UBE2L3: variants seen among roughly 807,000 people sequenced by gnomAD.
The protein encoded by UBE2L3 is ubiquitin conjugating enzyme E2 L3, also known as ubiquitin-conjugating enzyme E2 L3.
In UBE2L3, 1 loss-of-function variant was observed where a neutral mutation model predicts 17.8. That is an observed-to-expected ratio of 0.06 (90% CI 0.02 to 0.27). UBE2L3 has a LOEUF of 0.27. UBE2L3 is among the 10% of genes least tolerant of loss of function. The pLI is 1.00. For synonymous variants in UBE2L3, 44 were observed against 68.5 expected (o/e 0.64, Z 1.76); for missense variants, 40 against 192.6 (o/e 0.21, Z 4.69).
intron 1 of UBE2L3, among the ~76,000 whole-genome samples, chr22:21,589,075 T>G (rs2148418893): frequency 6.6e-6 from 1 of 152,090 alleles, no homozygotes; most frequent in East Asian, 1.9e-4. Flanking sequence ...ATTACAGGTG[T>G]GAACCACTGC....
intron 1 of UBE2L3, among the ~76,000 whole-genome samples, chr22:21,552,720 CTT>C (rs1286930537): frequency 4.9e-3 from 26 of 5,302 alleles, no homozygotes; most frequent in East Asian, 0.018. Context: ...TCCAGATGTT[CTT>C]TTTTTTTTTT....
At chr22:21,577,623 C>T (rs1286570595) in intron 1 of UBE2L3, among the ~76,000 whole-genome samples, 2 of 152,182 alleles carry the variant, frequency 1.3e-5, no homozygotes, top group East Asian at 1.9e-4. Flanking sequence ...CTCTCTGGGC[C>T]TTGCTCCTGC....
At chr22:21,572,200 C>T (rs1218341224) in intron 1 of UBE2L3, among the ~76,000 whole-genome samples, 1 of 151,724 alleles carries the variant, frequency 6.6e-6, no homozygotes, top group Admixed American at 6.6e-5. Flanking sequence ...TTTGGGAGGC[C>T]GAGGTGGGCG....
chr22:21,568,350 G>A, intron 1 of UBE2L3: 2 of 985,400 alleles, frequency 2.0e-6, no homozygotes, highest in Non-Finnish European at 2.4e-6. Flanking sequence ...GCAAACTGTC[G>A]CCTTGTGACT....
At chr22:21,556,763 A>G (rs1489935028) in intron 1 of UBE2L3, among the ~76,000 whole-genome samples, 1 of 152,240 alleles carries the variant, frequency 6.6e-6, no homozygotes, top group Non-Finnish European at 1.5e-5. Context: ...CACCTGGCCA[A>G]TAAAAAAATT....
intron 1 of UBE2L3, among the ~76,000 whole-genome samples, chr22:21,552,063 CTG>C (rs1926089304): frequency 7.0e-6 from 1 of 142,956 alleles, no homozygotes; most frequent in Non-Finnish European, 1.5e-5. Flanking sequence ...TGGTGGCCAC[CTG>C]TGTGGCTTGG....
At chr22:21,566,305 C>A (rs577084746), upstream of UBE2L3, among the ~76,000 whole-genome samples, 14 of 152,098 alleles carry the variant, frequency 9.2e-5, no homozygotes, top group Non-Finnish European at 2.1e-4. Context: ...CGTCTCAGCC[C>A]AGGTGTGGTG....
At chr22:21,603,586 G>A (rs895317375) in intron 2 of UBE2L3, among the ~76,000 whole-genome samples, 6 of 146,014 alleles carry the variant, frequency 4.1e-5, no homozygotes, top group Non-Finnish European at 7.4e-5. Flanking sequence ...GCTCACGCCT[G>A]TAATCCCAGC....
chr22:21,586,478 C>G (rs879884479), intron 1 of UBE2L3, among the ~76,000 whole-genome samples: 1 of 151,760 alleles, frequency 6.6e-6, no homozygotes, highest in Admixed American at 6.6e-5. Flanking sequence ...CCTTGTTGGC[C>G]GGGCTGGTTC....
intron 1 of UBE2L3, among the ~76,000 whole-genome samples, chr22:21,571,462 GCGATGGCA>G (rs1926959431): frequency 6.6e-6 from 1 of 152,118 alleles, no homozygotes; most frequent in Non-Finnish European, 1.5e-5. Flanking sequence ...AGGCTTCAGC[GCGATGGCA>G]CGATCTCTGT....
chr22:21,591,473 G>A lies in UBE2L3; in HGVS notation c.28-1388G>A, dbSNP rs1263497519. 6.6e-5 allele frequency among the ~76,000 whole-genome samples: 10 copies of A among 152,204 alleles called. No individual in the cohort carries two copies. The East Asian group carries it at 1.3e-3, about 20-fold the overall frequency. On this transcript the variant is annotated intron_variant, in intron 1 of 3. Coordinates refer to ENST00000342192, the MANE Select transcript of UBE2L3 (RefSeq NM_003347.4). ...AGCACCAGTGTGTTCCACCTCTTCC[G>A]TGTATTCATTCACTGCACTCTCCCT... is the stretch of plus-strand genomic sequence containing the variant.
intron 1 of UBE2L3, among the ~76,000 whole-genome samples, chr22:21,559,372 C>T (rs1304575056): frequency 6.7e-6 from 1 of 148,174 alleles, no homozygotes; most frequent in South Asian, 2.2e-4. Flanking sequence ...AATAAATAAA[C>T]AAACAAACAA....
chr22:21,609,871 C>G (rs1488377640), intron 2 of UBE2L3, among the ~76,000 whole-genome samples: 1 of 151,850 alleles, frequency 6.6e-6, no homozygotes, highest in South Asian at 2.1e-4. Context: ...ACTAAAGATA[C>G]AAAAATTAGC....
upstream of UBE2L3, chr22:21,567,593 GC>G: frequency 1.4e-6 from 2 of 1,466,204 alleles, no homozygotes; most frequent in South Asian, 1.4e-5. Context: ...TCCTCCACGC[GC>G]CCCCCAGCAC....
At chr22:21,576,306 T>G (rs887994513) in intron 1 of UBE2L3, among the ~76,000 whole-genome samples, 4 of 143,504 alleles carry the variant, frequency 2.8e-5, no homozygotes, top group Non-Finnish European at 6.2e-5. Context: ...TTTTTTTTTG[T>G]TTTTTTTTTG....
chr22:21,608,980 C>T (rs765051586), intron 2 of UBE2L3, among the ~76,000 whole-genome samples: 4 of 151,956 alleles, frequency 2.6e-5, no homozygotes, highest in Non-Finnish European at 5.9e-5. Context: ...CTGCAAGCTC[C>T]GCTTCCCAGG....
intron 1 of UBE2L3, among the ~76,000 whole-genome samples, chr22:21,591,612 G>A (rs1260426041): frequency 6.6e-6 from 1 of 152,152 alleles, no homozygotes; most frequent in Non-Finnish European, 1.5e-5. Flanking sequence ...GTAGCCTCAG[G>A]GTGCCTTTTA....
chr22:21,562,193 T>C (rs1360261091), intron 1 of UBE2L3, among the ~76,000 whole-genome samples: 2 of 148,452 alleles, frequency 1.3e-5, no homozygotes, highest in Non-Finnish European at 1.5e-5. Flanking sequence ...ACCTCTTTTT[T>C]TTTTCTTTTT....
At chr22:21,590,492 T>A (rs993062156) in intron 1 of UBE2L3, among the ~76,000 whole-genome samples, 2 of 152,244 alleles carry the variant, frequency 1.3e-5, no homozygotes, top group African/African-American at 4.8e-5. Flanking sequence ...GCCAACGCAC[T>A]CAGCCATCAC....
Sources: allele counts gnomAD v4.1 joint callset (sites outside exome capture counted in the v4.1 genomes callset), GRCh38; gene constraint gnomAD v4.1.1; transcripts MANE v1.5; gene names NCBI Gene and HGNC (gene_info 2026-07-23, HGNC 2026-07-21).